The following MYOF variants were observed in gnomAD, a reference collection of about 807,000 sequenced individuals.
The protein encoded by MYOF is fer-1-like 3, myoferlin.
MYOF carries 244 observed loss-of-function variants against 284.2 expected under a neutral mutation model. That is an observed-to-expected ratio of 0.86 (90% CI 0.77 to 0.95). The LOEUF (loss-of-function observed/expected upper bound fraction) is 0.95, where lower values mean the gene tolerates loss of function less well. MYOF is among the 40% of genes least tolerant of loss of function. The probability of loss-of-function intolerance (pLI) is 0.00; values close to 1 mark genes in which losing one functional copy is unlikely to be tolerated. For synonymous variants in MYOF, 904 were observed against 919.7 expected (o/e 0.98, Z 0.31); for missense variants, 2,496 against 2,560.6 (o/e 0.97, Z 0.54).
Position 93,306,870 on chromosome 10 carries a change from T to C in MYOF, c.*93A>G, listed in dbSNP as rs777320028. On this transcript the variant is annotated 3_prime_UTR_variant, in exon 54 of 54. Coordinates refer to ENST00000359263, the MANE Select transcript of MYOF (RefSeq NM_013451.4). Reference sequence around the variant, plus strand: ...CATGGCGTAACCTGCTACTGGGGTGTGGTCTCAGACACAAAATCACACTGG... The same window carrying C: ...CATGGCGTAACCTGCTACTGGGGTGCGGTCTCAGACACAAAATCACACTGG... 55 of 1,311,660 alleles carry C rather than the reference T, an allele frequency of 4.2e-5. No homozygotes were observed. The highest frequency in any genetic ancestry group is 2.0e-4 in the Admixed American group (11 of 54,932). The allele number at this position is 1,311,660 out of a possible 1,614,324, so 81.3% of individuals were successfully genotyped here.
intron 36 of MYOF, among the ~76,000 whole-genome samples, chr10:93,349,316 G>T (rs540180167): frequency 6.6e-6 from 1 of 152,152 alleles, no homozygotes; most frequent in Admixed American, 6.5e-5. Flanking sequence ...ACCAAAGAAG[G>T]TGCCATCCCA....
intron 1 of MYOF, among the ~76,000 whole-genome samples, chr10:93,478,699 G>A (rs2057320034): frequency 6.6e-6 from 1 of 151,578 alleles, no homozygotes; most frequent in Non-Finnish European, 1.5e-5. Context: ...GGGCATGGTG[G>A]TGTGTGCCTA....
Position 93,378,693 on chromosome 10 carries a change from G to GTGTGTATATATATATA in MYOF, c.2001+1169_2001+1170insTATATATATATACACA. Among the ~76,000 whole-genome samples the GTGTGTATATATATATA allele has an allele frequency of 5.0e-3, 436 of 87,834 alleles. 9 individuals are homozygous for GTGTGTATATATATATA. Among genetic ancestry groups the GTGTGTATATATATATA allele is most frequent in the African/African-American group, 0.019 (385 of 20,774 alleles). 57.6% of individuals were successfully genotyped at this position (87,834 alleles called of 152,430 possible). A position where few individuals can be genotyped will look rare whatever the true frequency, so the allele number is the denominator to read the frequency against. ...TATGTGTGTGTGTATGTGTGTGTGT[G>GTGTGTATATATATATA]TATATATATATATATATATATATGT... is the stretch of plus-strand genomic sequence containing the variant. On this transcript the variant is annotated intron_variant, in intron 21 of 53. Transcript: ENST00000359263.
Position 93,343,731 on chromosome 10 carries a change from A to C in MYOF, c.4326+125T>G, listed in dbSNP as rs537394663. The stretch of plus-strand genomic sequence containing the variant: ...GACTCTTGTCTGTACTCAGTCCTCA[A>C]TAAATGGATTGGCTGATGATTATAA... On this transcript the variant is annotated intron_variant, in intron 38 of 53. Transcript: ENST00000359263. 21 of 963,700 alleles carry C rather than the reference A, an allele frequency of 2.2e-5. No individual in the cohort carries two copies. In the South Asian group the frequency reaches 2.9e-4, roughly 13 times the overall value. 59.7% of individuals were successfully genotyped at this position (963,700 alleles called of 1,614,324 possible).
intron 12 of MYOF, among the ~76,000 whole-genome samples, chr10:93,400,867 T>G (rs1283553103): frequency 6.7e-6 from 1 of 148,374 alleles, no homozygotes; most frequent in East Asian, 2.0e-4. Context: ...TTTTTTTTTT[T>G]TTTTTTTTTG....
chr10:93,311,512 T>C (rs1209841216), intron 51 of MYOF, among the ~76,000 whole-genome samples: 1 of 150,700 alleles, frequency 6.6e-6, no homozygotes, highest in African/African-American at 2.4e-5. Context: ...TCCCAGCTAC[T>C]TGGGAGGCAG....
chr10:93,374,763 C>T lies in MYOF; in HGVS notation c.2301G>A (p.Glu767=). ...WLDKLMQLTE[E]PQNSMPDIII... ...CGTTTGTGTAGTTTAAAAGTCCTAC[C>T]TCTTCAGTCAGCTGCATTAATTTAT... The change falls in exon 23 of 54, where the codon GAG becomes GAA. Residue 767 remains glutamate, a splice_region_variant and synonymous_variant. Coordinates refer to ENST00000359263, the MANE Select transcript of MYOF (RefSeq NM_013451.4). The T allele has an allele frequency of 1.2e-6, 2 of 1,613,150 alleles. No individual in the cohort carries two copies. Among genetic ancestry groups the T allele is most frequent in the Non-Finnish European group, 1.7e-6 (2 of 1,179,590 alleles).
At chr10:93,411,041 C>T (rs150684405) in intron 5 of MYOF, among the ~76,000 whole-genome samples, 240 of 152,326 alleles carry the variant, frequency 1.6e-3, no homozygotes, top group African/African-American at 5.2e-3. Context: ...ATAGTATTTA[C>T]CACAGGGTTA....
At chr10:93,338,718 T>C (rs541689780) in intron 39 of MYOF, among the ~76,000 whole-genome samples, 15 of 152,108 alleles carry the variant, frequency 9.9e-5, no homozygotes, top group Non-Finnish European at 1.9e-4. Flanking sequence ...TTTCAGAAGT[T>C]CCCCAGGAGA....
Position 93,353,859 on chromosome 10 carries a change from C to T in MYOF, c.3433G>A (p.Val1145Ile), listed in dbSNP as rs760639207. ...RVYIYHLRCYVYQARNLLALD... is the reference protein window; with the variant it reads ...RVYIYHLRCYIYQARNLLALD... ...GCCAAGAGGTTTCTGGCTTGATAGA[C>T]ATAGCAGCGCAGATGGTAGATGTAG... Residue 1145 changes from valine to isoleucine, a missense_variant, in exon 32 of 54, where the codon GTC becomes ATC. This residue lies in a region of MYOF where 2,436 missense variants were observed against 2,480.7 expected (regional missense o/e 0.98). Coordinates refer to ENST00000359263, the MANE Select transcript of MYOF (RefSeq NM_013451.4). 1.9e-6 allele frequency: 3 copies of T among 1,609,916 alleles called. No homozygotes were observed. The highest frequency in any genetic ancestry group is 2.5e-6 in the Non-Finnish European group (3 of 1,177,660).
chr10:93,334,952 G>A (rs1352762683), intron 41 of MYOF, among the ~76,000 whole-genome samples: 6 of 152,228 alleles, frequency 3.9e-5, no homozygotes, highest in Non-Finnish European at 8.8e-5. Flanking sequence ...TTATAAAGCA[G>A]CAGCAGCACA....
Position 93,441,561 on chromosome 10 carries a change from CTT to C in MYOF, c.237-10047_237-10046del, listed in dbSNP as rs148461507. Among the ~76,000 whole-genome samples, 200 of 125,048 alleles carry C rather than the reference CTT, an allele frequency of 1.6e-3. 1 individual carries two copies. The highest frequency in any genetic ancestry group is 5.6e-3 in the African/African-American group (183 of 32,762). The allele number at this position is 125,048 out of a possible 152,430, so 82.0% of individuals were successfully genotyped here. On this transcript the variant is annotated intron_variant, in intron 3 of 53. Coordinates refer to ENST00000359263, the MANE Select transcript of MYOF (RefSeq NM_013451.4). Reference sequence around the variant, plus strand: ...CACCATGCCTGGCTAATTTTTGTATCTTTTTTTTTTTTTTTTTTTTGAGACAG... The same window carrying C: ...CACCATGCCTGGCTAATTTTTGTATCTTTTTTTTTTTTTTTTTTGAGACAG...
intron 21 of MYOF, among the ~76,000 whole-genome samples, chr10:93,377,769 T>C (rs1378859825): frequency 6.6e-6 from 1 of 152,036 alleles, no homozygotes; most frequent in Non-Finnish European, 1.5e-5. Context: ...TTCACAGTGG[T>C]TTATCTACAG....
chr10:93,463,988 G>T (rs2056946367), intron 1 of MYOF, among the ~76,000 whole-genome samples: 2 of 152,128 alleles, frequency 1.3e-5, no homozygotes, highest in Admixed American at 1.3e-4. Context: ...GGCTATGGTG[G>T]TGTCTAATTG....
chr10:93,457,339 C>G (rs775040704), intron 1 of MYOF, among the ~76,000 whole-genome samples: 4 of 152,210 alleles, frequency 2.6e-5, no homozygotes, highest in Non-Finnish European at 4.4e-5. Flanking sequence ...CAGTGATGCC[C>G]TGATTTAAAC....
chr10:93,447,666 C>A (rs1390008439), intron 3 of MYOF, among the ~76,000 whole-genome samples: 1 of 152,154 alleles, frequency 6.6e-6, no homozygotes, highest in African/African-American at 2.4e-5. Context: ...CGTTCGCCAG[C>A]TAATAAAGGA....
intron 5 of MYOF, among the ~76,000 whole-genome samples, chr10:93,416,047 C>T (rs143856357): frequency 4.2e-4 from 64 of 152,316 alleles, no homozygotes; most frequent in African/African-American, 1.5e-3. Flanking sequence ...TTGTCTAGGC[C>T]ACTAAAGACT....
intron 1 of MYOF, among the ~76,000 whole-genome samples, chr10:93,460,782 A>AG (rs71031510): frequency 0.78 from 108,511 of 139,954 alleles, 43,617 homozygotes; most frequent in Non-Finnish European, 0.87. Context: ...AAAAAAAAAA[A>AG]AAAGAAAGAA....
In MYOF at chr10:93,431,408, C is replaced by T; in HGVS notation, c.345G>A (p.Gly115=). The T allele has an allele frequency of 6.2e-7, 1 of 1,613,072 alleles. No individual in the cohort carries two copies. The change falls in exon 4 of 54, where the codon GGG becomes GGA. Residue 115 remains glycine (G), a splice_region_variant and synonymous_variant. Transcript: ENST00000359263. ...ATTCAATAAGAGAGAAAACACTCAC[C>T]CCAGTATCTTGCCCTTTTTCATTTA... ...SLLNEKGQDT[G]ATIDLVIGYD...
Sources: allele counts gnomAD v4.1 joint callset (sites outside exome capture counted in the v4.1 genomes callset), GRCh38; gene constraint gnomAD v4.1.1; regional missense constraint gnomAD v4.1.1; transcripts MANE v1.5; gene names NCBI Gene and HGNC (gene_info 2026-07-23, HGNC 2026-07-21).